SPPL3: variants seen among roughly 807,000 people sequenced by gnomAD.
The protein encoded by SPPL3 is signal peptide peptidase-like 3.
SPPL3 carries 5 observed loss-of-function variants against 42.4 expected under a neutral mutation model. The observed-to-expected ratio is 0.12, with a 90% CI of 0.06 to 0.25. The LOEUF (loss-of-function observed/expected upper bound fraction) is 0.25. SPPL3 is among the 10% of genes least tolerant of loss of function. The pLI, the probability that SPPL3 is intolerant of heterozygous loss-of-function variation, is 1.00. For missense variants in SPPL3, 235 were observed against 489.0 expected (o/e 0.48, Z 4.90); for synonymous variants, 195 against 181.8 (o/e 1.07, Z -0.58).
chr12:120,772,836 A>T (rs916334888), intron 6 of SPPL3, among the ~76,000 whole-genome samples: 4 of 152,206 alleles, frequency 2.6e-5, no homozygotes, highest in African/African-American at 9.6e-5. Context: ...ATATATCTTC[A>T]TCTCCACTAT....
chr12:120,817,931 G>T (rs559032806), intron 1 of SPPL3, among the ~76,000 whole-genome samples: 1 of 152,294 alleles, frequency 6.6e-6, no homozygotes, highest in Admixed American at 6.5e-5. Flanking sequence ...GGGGTTTGGG[G>T]ATCTGGGGTA....
intron 1 of SPPL3, among the ~76,000 whole-genome samples, chr12:120,870,253 C>T (rs1872880783): frequency 6.6e-6 from 1 of 152,022 alleles, no homozygotes; most frequent in South Asian, 2.1e-4. Flanking sequence ...TGAGACCAGC[C>T]TGACCAACAT....
intron 2 of SPPL3, among the ~76,000 whole-genome samples, chr12:120,808,786 A>G (rs889067867): frequency 6.6e-6 from 1 of 152,266 alleles, no homozygotes; most frequent in African/African-American, 2.4e-5. Context: ...TATACAGTAT[A>G]CAAACATATG....
At chr12:120,854,229 A>C (rs1872374453) in intron 1 of SPPL3, among the ~76,000 whole-genome samples, 1 of 152,194 alleles carries the variant, frequency 6.6e-6, no homozygotes, top group Admixed American at 6.5e-5. Flanking sequence ...GACCCAAGGA[A>C]ATCAGAAAAG....
chr12:120,830,909 T>C (rs1158178105), intron 1 of SPPL3, among the ~76,000 whole-genome samples: 1 of 152,122 alleles, frequency 6.6e-6, no homozygotes, highest in Non-Finnish European at 1.5e-5. Flanking sequence ...GGTTATACAT[T>C]ATTTCTGTTT....
At chr12:120,803,464 C>A (rs1463493785) in intron 2 of SPPL3, among the ~76,000 whole-genome samples, 1 of 152,004 alleles carries the variant, frequency 6.6e-6, no homozygotes, top group East Asian at 1.9e-4. Flanking sequence ...CTGTGAATTA[C>A]TGGAGGAGAA....
chr12:120,817,895 T>C (rs1367003902), intron 1 of SPPL3, among the ~76,000 whole-genome samples: 3 of 152,118 alleles, frequency 2.0e-5, no homozygotes, highest in Admixed American at 1.3e-4. Context: ...ATTTCAGAAA[T>C]AGACACAGAT....
intron 1 of SPPL3, among the ~76,000 whole-genome samples, chr12:120,829,158 T>G (rs1460107721): frequency 6.6e-6 from 1 of 152,192 alleles, no homozygotes; most frequent in South Asian, 2.1e-4. Context: ...AAACAGATCA[T>G]AAGCTTAAAT....
At chr12:120,900,203 G>A (rs1873931671) in intron 1 of SPPL3, among the ~76,000 whole-genome samples, 1 of 152,010 alleles carries the variant, frequency 6.6e-6, no homozygotes, top group African/African-American at 2.4e-5. Flanking sequence ...ATCTGCATAT[G>A]CCTTTATATT....
intron 3 of SPPL3, among the ~76,000 whole-genome samples, chr12:120,789,824 C>CAAAAAAAAAAAAAAAAAAAAA (rs3050392): frequency 3.3e-5 from 1 of 30,462 alleles, no homozygotes; most frequent in African/African-American, 1.1e-4. Flanking sequence ...GACTCCGTCT[C>CAAAAAAAAAAAAAAAAAAAAA]AAAAAAAAAA....
intron 2 of SPPL3, among the ~76,000 whole-genome samples, chr12:120,802,355 G>GTA: frequency 6.9e-6 from 1 of 145,202 alleles, no homozygotes; most frequent in Non-Finnish European, 1.5e-5. Flanking sequence ...ATGTATGTAT[G>GTA]TGTGTATATA....
At chr12:120,870,263 T>C (rs1872881112) in intron 1 of SPPL3, among the ~76,000 whole-genome samples, 1 of 151,964 alleles carries the variant, frequency 6.6e-6, no homozygotes, top group South Asian at 2.1e-4. Context: ...CTGACCAACA[T>C]GGAGAAACCC....
chr12:120,844,583 A>G (rs574303620), intron 1 of SPPL3, among the ~76,000 whole-genome samples: 1 of 152,260 alleles, frequency 6.6e-6, no homozygotes, highest in South Asian at 2.1e-4. Flanking sequence ...TACAAACACT[A>G]TGTCAGTTTC....
chr12:120,771,593 T>A (rs533681946), intron 6 of SPPL3, among the ~76,000 whole-genome samples: 72 of 152,268 alleles, frequency 4.7e-4, no homozygotes, highest in Non-Finnish European at 8.1e-4. Context: ...TCAACTCCAG[T>A]GAAGGTTCCC....
chr12:120,853,309 A>G (rs541912503), intron 1 of SPPL3, among the ~76,000 whole-genome samples: 77 of 152,338 alleles, frequency 5.1e-4, no homozygotes, highest in Non-Finnish European at 6.9e-4. Flanking sequence ...CTACAGAACT[A>G]TATTATATTA....
chr12:120,795,551 T>C (rs1003616677), intron 2 of SPPL3, among the ~76,000 whole-genome samples: 3 of 152,214 alleles, frequency 2.0e-5, no homozygotes, highest in African/African-American at 7.2e-5. Flanking sequence ...TACCGTTACA[T>C]TGACTTTTCA....
intron 3 of SPPL3, among the ~76,000 whole-genome samples, chr12:120,787,474 G>C (rs2136982301): frequency 6.6e-6 from 1 of 152,230 alleles, no homozygotes; most frequent in African/African-American, 2.4e-5. Context: ...AAGGTCAGGG[G>C]AAATCAGAGG....
Position 120,878,204 on chromosome 12 carries a change from TAAAAAACAAAAAAC to T in SPPL3, c.23+25627_23+25640del, listed in dbSNP as rs556503041. ...AATATTTGGTAATTAATGTAGTATT[TAAAAAACAAAAAAC>T]AAAAAACAAAAACTTGGTCAGTTGC... On this transcript the variant is annotated intron_variant, in intron 1 of 10. Coordinates refer to ENST00000353487, the MANE Select transcript of SPPL3 (RefSeq NM_139015.5). 3.6e-3 allele frequency among the ~76,000 whole-genome samples: 544 copies of T among 152,162 alleles called. 4 individuals are homozygous for T. Among genetic ancestry groups the T allele is most frequent in the Middle Eastern group, 0.014 (4 of 294 alleles).
chr12:120,895,062 T>C (rs1723804580), intron 1 of SPPL3, among the ~76,000 whole-genome samples: 1 of 152,156 alleles, frequency 6.6e-6, no homozygotes. Context: ...ATGAGGATCA[T>C]CCACTCTACT....
Sources: allele counts gnomAD v4.1 joint callset (sites outside exome capture counted in the v4.1 genomes callset), GRCh38; gene constraint gnomAD v4.1.1; transcripts MANE v1.5; gene names NCBI Gene and HGNC (gene_info 2026-07-23, HGNC 2026-07-21).